PI4KA: variants seen among roughly 807,000 people sequenced by gnomAD.
The protein encoded by PI4KA is phosphatidylinositol 4-kinase alpha.
Under a neutral mutation model 271.4 loss-of-function variants are expected in PI4KA, and 122 were observed. That is an observed-to-expected ratio of 0.45 (90% CI 0.39 to 0.52). The LOEUF is 0.52. Among genes scored for constraint, PI4KA ranks in the 20% least tolerant of loss-of-function variants. The pLI is 0.00. For synonymous variants in PI4KA, 1,041 were observed against 1,078.8 expected, an observed-to-expected ratio of 0.96 and a Z score of 0.69; for missense variants, 1,969 against 2,769.1, an observed-to-expected ratio of 0.71 and a Z score of 6.48.
chr22:20,834,831 C>A (rs1472225519), intron 2 of PI4KA, among the ~76,000 whole-genome samples, 176 bp from the exon 3 acceptor site: 1 of 152,226 alleles, frequency 6.6e-6, no homozygotes, highest in East Asian at 1.9e-4. Context: ...TTCCTGTTTT[C>A]ACACTGCAGA....
At chr22:20,780,528 G>T (rs373448962) in intron 19 of PI4KA, among the ~76,000 whole-genome samples, 1 of 152,198 alleles carries the variant, frequency 6.6e-6, no homozygotes, top group Non-Finnish European at 1.5e-5. Context: ...AGCACTTTGG[G>T]AGGCCGAGGC....
chr22:20,748,430 C>T (rs1410518037), intron 28 of PI4KA, among the ~76,000 whole-genome samples: 4 of 152,222 alleles, frequency 2.6e-5, no homozygotes, highest in Admixed American at 6.5e-5. Flanking sequence ...AACTGGACAG[C>T]AGGAACGAAG....
In PI4KA at chr22:20,710,163, C is replaced by T. The variant is rs1212558793; in HGVS notation, c.6084-166G>A. The T allele has an allele frequency of 7.5e-6, 5 of 667,552 alleles. No homozygotes were observed. The Admixed American group carries it at 8.5e-5, about 11-fold the overall frequency. The allele number at this position is 667,552 out of a possible 1,614,324, so 41.4% of individuals were successfully genotyped here. A position where few individuals can be genotyped will look rare whatever the true frequency, so the allele number is the denominator to read the frequency against. On this transcript the variant is annotated intron_variant, in intron 52 of 54. Transcript: ENST00000255882. ...CCGAGGCAACTTTCGATCTGCTGCACTTGGTAACCCATACCGCCCAGGCAA... is the reference window on the plus strand; with the variant it reads ...CCGAGGCAACTTTCGATCTGCTGCATTTGGTAACCCATACCGCCCAGGCAA...
chr22:20,789,456 A>C (rs944757044), intron 19 of PI4KA, among the ~76,000 whole-genome samples: 1 of 152,146 alleles, frequency 6.6e-6, no homozygotes, highest in Admixed American at 6.6e-5. Flanking sequence ...AAGCCTCCCG[A>C]GTAGCTGGGA....
intron 29 of PI4KA, among the ~76,000 whole-genome samples, chr22:20,746,352 G>A (rs528020554): frequency 2.6e-4 from 39 of 152,070 alleles, no homozygotes; most frequent in African/African-American, 8.0e-4. Context: ...ATGAGCCACC[G>A]TGCCTGGCCC....
chr22:20,807,309 G>A, intron 10 of PI4KA, 53 bp downstream of exon 10: 1 of 1,131,762 alleles, frequency 8.8e-7, no homozygotes, highest in Non-Finnish European at 1.3e-6. Flanking sequence ...TGCGACAGTG[G>A]CCTGGGAGCC....
chr22:20,735,551 A>T (rs1928611590), intron 32 of PI4KA, among the ~76,000 whole-genome samples: 1 of 150,980 alleles, frequency 6.6e-6, no homozygotes, highest in African/African-American at 2.4e-5. Context: ...GGGAGAGTGA[A>T]CTGGGCAAGG....
chr22:20,725,455 G>A (rs905821684), intron 42 of PI4KA: 1 of 405,236 alleles, frequency 2.5e-6, no homozygotes, highest in Middle Eastern at 3.7e-4. Flanking sequence ...TTTGGAGATA[G>A]GGTCTTTATA....
chr22:20,744,061 A>G (rs1239876674), intron 30 of PI4KA, among the ~76,000 whole-genome samples: 2 of 152,162 alleles, frequency 1.3e-5, no homozygotes, highest in Non-Finnish European at 2.9e-5. Flanking sequence ...CTCAAAAACA[A>G]AAACAAAAAC....
At chr22:20,809,585 C>A (rs1479463945) in intron 9 of PI4KA, among the ~76,000 whole-genome samples, 1 of 152,068 alleles carries the variant, frequency 6.6e-6, no homozygotes, top group Non-Finnish European at 1.5e-5. Context: ...ACTTGTCTAA[C>A]TGCCCAGCCC....
At chr22:20,759,711 G>T (rs935081319) in intron 23 of PI4KA, among the ~76,000 whole-genome samples, 25 of 151,968 alleles carry the variant, frequency 1.6e-4, no homozygotes, top group African/African-American at 5.8e-4. Context: ...GACTACAGGC[G>T]CAGGCCACCA....
chr22:20,836,445 A>G (rs553267769), intron 2 of PI4KA, among the ~76,000 whole-genome samples: 35 of 152,380 alleles, frequency 2.3e-4, no homozygotes, highest in Non-Finnish European at 4.3e-4. Context: ...GTGTACAGAC[A>G]GGAACAAAAC....
At chr22:20,809,121 G>A (rs1303213254) in intron 9 of PI4KA, among the ~76,000 whole-genome samples, 6 of 152,176 alleles carry the variant, frequency 3.9e-5, no homozygotes, top group Admixed American at 3.9e-4. Context: ...AATGAGACTG[G>A]GAGAGGTTAA....
Position 20,753,007 on chromosome 22 carries a change from C to G in PI4KA, c.2883G>C (p.Glu961Asp). 1 of 1,614,264 alleles carries G rather than the reference C, an allele frequency of 6.2e-7. No homozygotes were observed. The highest frequency in any genetic ancestry group is 1.3e-5 in the African/African-American group (1 of 75,082). ...ACTGAGCGTGCCGCTCCAGCTCCTCCTCGTTCTCCTTGGTCTTGGCCTAGA... is the reference window on the plus strand; with the variant it reads ...ACTGAGCGTGCCGCTCCAGCTCCTCGTCGTTCTCCTTGGTCTTGGCCTAGA... Reference protein sequence around the residue: ...MADKAKTKENEEELERHAQFL... With the variant: ...MADKAKTKENDEELERHAQFL... The change falls in exon 25 of 55, where the codon GAG becomes GAC. Residue 961 changes from glutamate (E) to aspartate (D), a missense_variant. Around this residue, in one of 13 missense-constraint regions of PI4KA, gnomAD observed 368 missense variants for 544.3 expected, o/e 0.68. Coordinates refer to ENST00000255882, the MANE Select transcript of PI4KA (RefSeq NM_058004.4).
chr22:20,746,123 C>T (rs1219023149), intron 29 of PI4KA, among the ~76,000 whole-genome samples: 15 of 118,910 alleles, frequency 1.3e-4, no homozygotes, highest in South Asian at 3.0e-4. Flanking sequence ...AGTGCAGTGG[C>T]GGGATCTCGG....
At chr22:20,752,147 T>C (rs1411834695) in intron 25 of PI4KA, among the ~76,000 whole-genome samples, 1 of 152,196 alleles carries the variant, frequency 6.6e-6, no homozygotes, top group African/African-American at 2.4e-5. Flanking sequence ...AGACAGGCCA[T>C]GGGCTCCGAT....
At chr22:20,761,164 A>G in intron 23 of PI4KA, 140 bp downstream of exon 23, 1 of 639,570 alleles carries the variant, frequency 1.6e-6, no homozygotes, top group Non-Finnish European at 2.8e-6. Context: ...TGAAGGCTAT[A>G]TGTTTTATAC....
At chr22:20,715,619 C>T (rs965743157) in intron 45 of PI4KA, among the ~76,000 whole-genome samples, 41 of 151,082 alleles carry the variant, frequency 2.7e-4, no homozygotes, top group African/African-American at 9.5e-4. Flanking sequence ...GAATTACAGG[C>T]GCCTGCCACC....
chr22:20,733,818 G>A lies in PI4KA; in HGVS notation c.4078C>T (p.Leu1360=), dbSNP rs1928361444. ...GCATTTGGAACCACATCGGCATGCA[G>A]GAGGGACAGCCCCAGGGTCAGCAGC... ...FKLLTLGLSL[L]HADVVPNATI... Residue 1360 remains leucine, a synonymous_variant, in exon 35 of 55, where the codon CTG becomes TTG. Coordinates refer to ENST00000255882, the MANE Select transcript of PI4KA (RefSeq NM_058004.4). The A allele has an allele frequency of 2.5e-6, 4 of 1,612,144 alleles. No homozygotes were observed. The African/African-American group carries it at 4.0e-5, about 16-fold the overall frequency.
Sources: gnomAD v4.1 joint callset for allele counts (sites outside exome capture counted in the v4.1 genomes callset) on GRCh38, gnomAD v4.1.1 for gene constraint, gnomAD v4.1.1 regional missense constraint, MANE v1.5 for transcripts, NCBI Gene and HGNC (gene_info 2026-07-23, HGNC 2026-07-21) for gene names.